RTKN: variants seen among roughly 807,000 people sequenced by gnomAD.
RTKN encodes the protein rhotekin.
Under a neutral mutation model 63.5 loss-of-function variants are expected in RTKN, and 49 were observed. The observed-to-expected ratio is 0.77, with a 90% confidence interval of 0.61 to 0.98. The LOEUF is 0.98. RTKN is among the 50% of genes least tolerant of loss of function. The pLI is 0.00. For missense variants in RTKN, 685 were observed against 740.8 expected (o/e 0.92, Z 0.87); for synonymous variants, 295 against 290.4 (o/e 1.02, Z -0.16).
chr2:74,428,554 T>C (rs1670549519), intron 8 of RTKN, 77 bp downstream of exon 8: 1 of 1,537,346 alleles, frequency 6.5e-7, no homozygotes, highest in Non-Finnish European at 8.9e-7. Flanking sequence ...TGATTTTTCA[T>C]TAGCTCTTCT....
chr2:74,439,721 A>G (rs1671247426), intron 1 of RTKN: 5 of 1,558,192 alleles, frequency 3.2e-6, no homozygotes, highest in Non-Finnish European at 4.4e-6. Context: ...CTGTTCCCTC[A>G]GTCTTTAAAG....
chr2:74,439,049 C>T (rs927758845), intron 1 of RTKN, among the ~76,000 whole-genome samples: 3 of 151,988 alleles, frequency 2.0e-5, no homozygotes, highest in South Asian at 2.1e-4. Context: ...TTTGGGAGGT[C>T]GAGGTAGGGA....
rs1031527543 is a variant in RTKN, at chr2:74,436,762, C to T, written c.112-4096G>A. 8.5e-5 allele frequency among the ~76,000 whole-genome samples: 13 copies of T among 152,152 alleles called. No individual in the cohort carries two copies. Among genetic ancestry groups the T allele is most frequent in the Non-Finnish European group, 5.9e-5 (4 of 67,998 alleles). ...CTCTCCCAAGGCCCAAGGCCGGGAG[C>T]GCCCTAGGAAACTGGCTCCCACCCT... On this transcript the variant is annotated intron_variant, in intron 1 of 11. Transcript: ENST00000272430. The surrounding 1 kb of genome is among the most constrained non-coding windows in gnomAD (Gnocchi z 4.3).
chr2:74,437,498 G>T (rs956542323), intron 1 of RTKN, among the ~76,000 whole-genome samples: 2 of 152,080 alleles, frequency 1.3e-5, no homozygotes, highest in African/African-American at 4.8e-5. Flanking sequence ...ACTTGAACAG[G>T]CCTTCCACAG....
At chr2:74,439,837 C>T (rs1054809887) in intron 1 of RTKN, 20 of 1,378,750 alleles carry the variant, frequency 1.5e-5, no homozygotes, top group East Asian at 7.9e-5. Flanking sequence ...ACTGCTGCTC[C>T]GGGGCCCTGC....
chr2:74,433,071 G>A (rs1444551987), intron 1 of RTKN, among the ~76,000 whole-genome samples: 5 of 152,058 alleles, frequency 3.3e-5, no homozygotes, highest in African/African-American at 9.6e-5. Context: ...GTGAAACCCC[G>A]TCTCTACTAA....
Position 74,441,796 on chromosome 2 carries a change from C to A in RTKN, c.21G>T (p.Arg7=). The change falls in exon 1 of 12, where the codon CGG becomes CGT. Residue 7 remains arginine (R), a synonymous_variant. Coordinates refer to ENST00000272430, the MANE Select transcript of RTKN (RefSeq NM_001015055.2). The part of the protein sequence containing the change: MFSRNH[R]SRVTVARGSA... Reference sequence around the variant, plus strand: ...AGCCCCTGGCCACGGTGACCCGGCTCCGGTGGTTTCGGGAGAACATGCTGG... The same window carrying A: ...AGCCCCTGGCCACGGTGACCCGGCTACGGTGGTTTCGGGAGAACATGCTGG... The A allele has an allele frequency of 6.2e-7, 1 of 1,611,044 alleles. No individual in the cohort carries two copies.
At chr2:74,441,617 C>G (rs1044297423) in intron 1 of RTKN, 89 bp downstream of exon 1, 1 of 903,500 alleles carries the variant, frequency 1.1e-6, no homozygotes, top group African/African-American at 1.6e-5. Context: ...CGCCCCTCGG[C>G]GTGCACGCGG....
intron 1 of RTKN, chr2:74,439,540 C>G: frequency 1.2e-6 from 2 of 1,613,962 alleles, no homozygotes; most frequent in Non-Finnish European, 1.7e-6. Context: ...CTCCAAGGGT[C>G]GGGGGATTAC....
intron 2 of RTKN, among the ~76,000 whole-genome samples, chr2:74,431,083 A>G (rs1341757641): frequency 6.6e-6 from 1 of 151,404 alleles, no homozygotes; most frequent in East Asian, 1.9e-4. Context: ...TTTTTTTAAC[A>G]ATAGGAAAGC....
Position 74,426,494 on chromosome 2 carries a change from G to A in RTKN, c.1441C>T (p.Pro481Ser). The A allele has an allele frequency of 6.3e-7, 1 of 1,595,632 alleles. No individual in the cohort carries two copies. Among genetic ancestry groups the A allele is most frequent in the Non-Finnish European group, 8.6e-7 (1 of 1,168,750 alleles). Residue 481 changes from proline (P) to serine (S), a missense_variant, in exon 12 of 12, where the codon CCC (proline) becomes TCC (serine). Transcript: ENST00000272430. ...REGARLETPP[P>S]WLAMFTDQPA... ...TGGTCTGTAAACATTGCCAGCCAGGGTGGGGGTGTCTCCAGCCTTGCGCCC... is the reference window on the plus strand; with the variant it reads ...TGGTCTGTAAACATTGCCAGCCAGGATGGGGGTGTCTCCAGCCTTGCGCCC...
At chr2:74,439,558 C>T (rs779236083) in intron 1 of RTKN, 1 of 1,614,190 alleles carries the variant, frequency 6.2e-7, no homozygotes, top group South Asian at 1.1e-5. Flanking sequence ...TACCTCCAGG[C>T]TGAGTGCCAT....
chr2:74,438,437 A>G (rs1009776101), intron 1 of RTKN, among the ~76,000 whole-genome samples: 15 of 151,702 alleles, frequency 9.9e-5, no homozygotes, highest in African/African-American at 3.1e-4. Context: ...TCTCTTGCCA[A>G]CCCTCCACCC....
chr2:74,432,467 C>T lies in RTKN; in HGVS notation c.311G>A (p.Arg104Gln), dbSNP rs758078564. 2.4e-5 allele frequency: 39 copies of T among 1,607,682 alleles called. No homozygotes were observed. Among genetic ancestry groups the T allele is most frequent in the Non-Finnish European group, 2.8e-5 (33 of 1,179,914 alleles). ...GAGGCCTCGTCTCCCCCTTGCTCAC[C>T]GCCGGCTTGTCTTCCCCAGCACCTG... ...EAQVLGKTSR[R>Q]PSDSGPPAER... Residue 104 changes from arginine to glutamine, a missense_variant and splice_region_variant, in exon 2 of 12, where the codon CGG (arginine) becomes CAG (glutamine). By Grantham distance (43) the Arg-to-Gln change is conservative (BLOSUM62 1). Coordinates refer to ENST00000272430, the MANE Select transcript of RTKN (RefSeq NM_001015055.2).
intron 1 of RTKN, chr2:74,440,448 C>G: frequency 3.0e-6 from 3 of 986,856 alleles, no homozygotes; most frequent in Non-Finnish European, 3.6e-6. Context: ...CCCTTCCCTT[C>G]CAGACAGGAA....
chr2:74,428,797 C>T (rs1318765591), intron 7 of RTKN, 51 bp downstream of exon 7: 9 of 1,601,694 alleles, frequency 5.6e-6, no homozygotes, highest in South Asian at 1.1e-5. Flanking sequence ...ATCCCACAGC[C>T]CCTCTTCTCA....
At position 74,437,798 on chromosome 2, in the gene RTKN, C is replaced by T. The variant is rs1364678024; in HGVS notation, c.111+3908G>A. Among the ~76,000 whole-genome samples, 4 of 152,158 alleles carry T rather than the reference C, an allele frequency of 2.6e-5. No individual in the cohort carries two copies. The East Asian group carries it at 5.8e-4, about 22-fold the overall frequency. Reference sequence around the variant, plus strand: ...GGAGGATAATTAGGTAGAGTCCCAACGAGTTCACTGGACACCTTTCCACAA... The same window carrying T: ...GGAGGATAATTAGGTAGAGTCCCAATGAGTTCACTGGACACCTTTCCACAA... On this transcript the variant is annotated intron_variant, in intron 1 of 11. Transcript: ENST00000272430.
intron 2 of RTKN, 58 bp from the exon 3 acceptor site, chr2:74,430,735 G>A: frequency 6.6e-7 from 1 of 1,525,332 alleles, no homozygotes; most frequent in Non-Finnish European, 8.9e-7. Context: ...CCCTTGCTCT[G>A]GTCCCAACGA....
chr2:74,429,053 G>A (rs1204845474), intron 6 of RTKN, 111 bp from the exon 7 acceptor site: 41 of 808,706 alleles, frequency 5.1e-5, no homozygotes, highest in Non-Finnish European at 6.7e-5. Flanking sequence ...CAGAAAACTC[G>A]CTTGCCTCCC....
Sources: gnomAD v4.1 joint callset for allele counts (sites outside exome capture counted in the v4.1 genomes callset) on GRCh38, gnomAD v4.1.1 for gene constraint, Gnocchi (gnomAD v3.1) non-coding constraint, MANE v1.5 for transcripts, NCBI Gene and HGNC (gene_info 2026-07-23, HGNC 2026-07-21) for gene names.